Variants in ESD observed in about 807,000 individuals in gnomAD.
ESD encodes the protein S-formylglutathione hydrolase.
Under a neutral mutation model 38.1 loss-of-function variants are expected in ESD, and 34 were observed. The observed-to-expected ratio is 0.89, with a 90% confidence interval of 0.68 to 1.19. The LOEUF (loss-of-function observed/expected upper bound fraction) is 1.19. Ranked by LOEUF, ESD falls within the 50% of genes most tolerant of loss-of-function variation. The probability of loss-of-function intolerance (pLI) is 0.00; values close to 1 mark genes in which losing one functional copy is unlikely to be tolerated. For synonymous variants in ESD, 97 were observed against 107.0 expected, an observed-to-expected ratio of 0.91 and a Z score of 0.58; for missense variants, 334 against 327.2, an observed-to-expected ratio of 1.02 and a Z score of -0.16.
rs983119588 is a variant in ESD, at chr13:46,782,638, A to G, written c.381+29T>C. 20 of 1,606,394 alleles carry G rather than the reference A, an allele frequency of 1.2e-5. No homozygotes were observed. The African/African-American group carries it at 2.1e-4, about 17-fold the overall frequency. On this transcript the variant is annotated intron_variant, in intron 6 of 9. Transcript: ENST00000378720. ...AAAATCAAACTCTTGGCAGTCATCAATTAATAATTACAATACAAATTAAAT... is the reference window on the plus strand; with the variant it reads ...AAAATCAAACTCTTGGCAGTCATCAGTTAATAATTACAATACAAATTAAAT...
chr13:46,788,662 T>G (rs1205705502), intron 3 of ESD, among the ~76,000 whole-genome samples: 1 of 144,154 alleles, frequency 6.9e-6, no homozygotes, highest in East Asian at 2.0e-4. Flanking sequence ...TGATTAACAC[T>G]TATGTAAAAG....
chr13:46,789,991 CAT>C (rs1163985354), intron 3 of ESD, among the ~76,000 whole-genome samples: 57 of 140,288 alleles, frequency 4.1e-4, no homozygotes, highest in Admixed American at 5.0e-4. Context: ...AATTTTTGTA[CAT>C]ATATATATAT....
At chr13:46,797,374 A>C (rs1373515625), upstream of ESD, 2 of 152,332 alleles carry the variant, frequency 1.3e-5, no homozygotes, top group African/African-American at 4.8e-5. Flanking sequence ...GGTTACTAGG[A>C]CCAACGAGGA....
chr13:46,781,427 T>C (rs1874995571), intron 7 of ESD, 69 bp downstream of exon 7: 4 of 1,387,830 alleles, frequency 2.9e-6, no homozygotes, highest in Non-Finnish European at 3.9e-6. Flanking sequence ...GTAATTTTAC[T>C]CTTTGAAGGT....
intron 1 of ESD, among the ~76,000 whole-genome samples, chr13:46,795,449 T>C (rs942432852): frequency 1.3e-5 from 2 of 152,206 alleles, no homozygotes; most frequent in African/African-American, 4.8e-5. Flanking sequence ...GTGTTAAGTA[T>C]CCATTAGTCA....
chr13:46,791,491 GC>G, intron 2 of ESD, 71 bp from the exon 3 acceptor site: 1 of 1,120,308 alleles, frequency 8.9e-7, no homozygotes, highest in South Asian at 1.4e-5. Context: ...AAAACTAATT[GC>G]CTTCAGATAA....
At position 46,790,390 on chromosome 13, in the gene ESD, T is replaced by C. The variant is rs1305082372; in HGVS notation, c.68+956A>G. On this transcript the variant is annotated intron_variant, in intron 3 of 9. Coordinates refer to ENST00000378720, the MANE Select transcript of ESD (RefSeq NM_001984.2). ...AGGTTACTTTGTTGGCAAATCTCAG[T>C]ATCTTGAAATCTCTTCCTTTGGGCT... Among the ~76,000 whole-genome samples the C allele has an allele frequency of 3.3e-5, 5 of 152,294 alleles. No individual in the cohort carries two copies. The East Asian group carries it at 9.6e-4, about 29-fold the overall frequency.
At chr13:46,773,769 T>C (rs1230497770) in intron 9 of ESD, among the ~76,000 whole-genome samples, 1 of 152,222 alleles carries the variant, frequency 6.6e-6, no homozygotes, top group African/African-American at 2.4e-5. Context: ...GTTGTCAAGA[T>C]TAAAGCTGAG....
intron 6 of ESD, among the ~76,000 whole-genome samples, chr13:46,781,950 A>G (rs1453062379): frequency 6.6e-6 from 1 of 151,850 alleles, no homozygotes; most frequent in East Asian, 1.9e-4. Context: ...ATTATGCACA[A>G]ATATAATCAA....
At chr13:46,782,573 C>G (rs1210480930) in intron 6 of ESD, 94 bp downstream of exon 6, 6 of 1,371,206 alleles carry the variant, frequency 4.4e-6, no homozygotes, top group Non-Finnish European at 5.0e-6. Flanking sequence ...ACTTTTATAC[C>G]CTAGTTTAAA....
chr13:46,778,406 T>G (rs1874881400), intron 8 of ESD, among the ~76,000 whole-genome samples: 1 of 151,884 alleles, frequency 6.6e-6, no homozygotes, highest in South Asian at 2.1e-4. Flanking sequence ...ACCTATAAAG[T>G]CTGACTAGTT....
intron 3 of ESD, among the ~76,000 whole-genome samples, chr13:46,790,009 T>TATA (rs374719527): frequency 6.2e-5 from 6 of 96,344 alleles, no homozygotes; most frequent in South Asian, 2.7e-4. Context: ...TATATATATA[T>TATA]TTTTTTTTTT....
chr13:46,790,924 G>A (rs8192884), intron 3 of ESD, among the ~76,000 whole-genome samples: 16,942 of 152,090 alleles, frequency 0.11, 1,255 homozygotes, highest in East Asian at 0.4. Flanking sequence ...GTATGTGTGC[G>A]TGTGTGTTTA....
chr13:46,772,596 C>A (rs1407877041), intron 9 of ESD, among the ~76,000 whole-genome samples: 1 of 152,194 alleles, frequency 6.6e-6, no homozygotes, highest in Non-Finnish European at 1.5e-5. Flanking sequence ...CAACTCCCAT[C>A]GCCCTTTGGC....
chr13:46,781,337 T>C (rs1874991561), intron 7 of ESD, among the ~76,000 whole-genome samples, 159 bp downstream of exon 7: 1 of 151,758 alleles, frequency 6.6e-6, no homozygotes, highest in Admixed American at 6.6e-5. Flanking sequence ...ATACACTCTA[T>C]GGTCAAATTA....
intron 1 of ESD, among the ~76,000 whole-genome samples, chr13:46,793,800 TAA>T (rs750799975): frequency 7.6e-4 from 115 of 152,044 alleles, no homozygotes; most frequent in Non-Finnish European, 1.5e-3. Flanking sequence ...GTGAAGAAAA[TAA>T]GAGTGGGGAC....
At chr13:46,782,152 T>C (rs1024352145) in intron 6 of ESD, among the ~76,000 whole-genome samples, 1 of 151,710 alleles carries the variant, frequency 6.6e-6, no homozygotes, top group Non-Finnish European at 1.5e-5. Context: ...AAACTAGTCA[T>C]AGAAACAGTC....
intron 3 of ESD, 72 bp downstream of exon 3, chr13:46,791,274 G>A: frequency 9.0e-7 from 1 of 1,107,860 alleles, no homozygotes; most frequent in Non-Finnish European, 1.3e-6. Context: ...TCTAGATAAA[G>A]ATTGGTTTTA....
chr13:46,777,727 T>C, intron 8 of ESD, 104 bp from the exon 9 acceptor site: 1 of 880,366 alleles, frequency 1.1e-6, no homozygotes, highest in Non-Finnish European at 1.6e-6. Flanking sequence ...GCTCTTAGGC[T>C]GATTAAATCA....
Sources: gnomAD v4.1 joint callset for allele counts (sites outside exome capture counted in the v4.1 genomes callset) on GRCh38, gnomAD v4.1.1 for gene constraint, MANE v1.5 for transcripts, NCBI Gene and HGNC (gene_info 2026-07-23, HGNC 2026-07-21) for gene names.